Variants in MPDZ observed in about 807,000 individuals in gnomAD.
MPDZ encodes multiple PDZ domain protein.
MPDZ carries 234 observed loss-of-function variants against 239.1 expected under a neutral mutation model. That is an observed-to-expected ratio of 0.98 (90% CI 0.88 to 1.09). The LOEUF is 1.09. MPDZ is among the 50% of genes least tolerant of loss of function. The pLI, the probability that MPDZ is intolerant of heterozygous loss-of-function variation, is 0.00. For missense variants in MPDZ, 3,175 were observed against 2,510.0 expected (o/e 1.26, Z -5.66); for synonymous variants, 1,048 against 881.3 (o/e 1.19, Z -3.35).
chr9:13,241,371 G>C (rs1965366024), intron 3 of MPDZ, among the ~76,000 whole-genome samples: 1 of 152,120 alleles, frequency 6.6e-6, no homozygotes, highest in Non-Finnish European at 1.5e-5. Context: ...CAGCTGGGAA[G>C]AGTTCCACTC....
At chr9:13,158,891 T>C (rs976655985) in intron 23 of MPDZ, among the ~76,000 whole-genome samples, 2 of 152,124 alleles carry the variant, frequency 1.3e-5, no homozygotes, top group Admixed American at 6.6e-5. Context: ...GAGAGGACAA[T>C]AGAGAATGGT....
chr9:13,130,757 T>G (rs964408322), intron 32 of MPDZ, among the ~76,000 whole-genome samples: 2 of 152,212 alleles, frequency 1.3e-5, no homozygotes, highest in African/African-American at 4.8e-5. Flanking sequence ...CCAAGTGATA[T>G]AAACCAAGGC....
intron 19 of MPDZ, among the ~76,000 whole-genome samples, chr9:13,182,926 T>C (rs1053992916): frequency 6.6e-6 from 1 of 152,164 alleles, no homozygotes; most frequent in African/African-American, 2.4e-5. Flanking sequence ...TTCACTGTGA[T>C]TTTTTATGTA....
chr9:13,183,064 C>T (rs1005543761), intron 19 of MPDZ, among the ~76,000 whole-genome samples: 2 of 151,972 alleles, frequency 1.3e-5, no homozygotes, highest in African/African-American at 4.8e-5. Flanking sequence ...GTTTTAAAAC[C>T]ATTAAGAAAA....
At chr9:13,167,992 A>G (rs898054290) in intron 22 of MPDZ, among the ~76,000 whole-genome samples, 1 of 152,058 alleles carries the variant, frequency 6.6e-6, no homozygotes, top group Admixed American at 6.6e-5. Flanking sequence ...TAGGATTCAC[A>G]CAGGTCAATT....
intron 23 of MPDZ, among the ~76,000 whole-genome samples, chr9:13,160,550 A>G (rs929210909): frequency 6.6e-6 from 1 of 151,926 alleles, no homozygotes; most frequent in Admixed American, 6.6e-5. Flanking sequence ...ATTTGACACA[A>G]TATTTCAGAG....
intron 8 of MPDZ, 63 bp downstream of exon 8, chr9:13,219,496 A>C: frequency 7.0e-7 from 1 of 1,423,950 alleles, no homozygotes; most frequent in South Asian, 1.3e-5. Context: ...CTAAGTAAAC[A>C]TCACTGTCGT....
chr9:13,168,506 A>G lies in MPDZ; in HGVS notation c.3114T>C (p.His1038=), dbSNP rs751548927. 15 of 1,613,432 alleles carry G rather than the reference A, an allele frequency of 9.3e-6. No homozygotes were observed. Among genetic ancestry groups the G allele is most frequent in the Non-Finnish European group, 1.3e-5 (15 of 1,179,568 alleles). ...GGCCATCTCGACTAATGGCACCTCCATGAATAATGCTTCGAACGATCATCC... is the reference window on the plus strand; with the variant it reads ...GGCCATCTCGACTAATGGCACCTCCGTGAATAATGCTTCGAACGATCATCC... ...GLGMIVRSII[H]GGAISRDGRI... Residue 1038 remains histidine (H), a synonymous_variant, in exon 22 of 47, where the codon CAT becomes CAC. Transcript: ENST00000319217.
chr9:13,112,033 T>G lies in MPDZ; in HGVS notation c.5715A>C (p.Gln1905His). ...TGATAGTACGACTCACTCTGAGTTT[T>G]TGGGTCTGTGCTGCAACTCCAGTTG... ...MHPTGVAAQTQKLRVGDRIVT... is the reference protein window; with the variant it reads ...MHPTGVAAQTHKLRVGDRIVT... The change falls in exon 43 of 47, where the codon CAA becomes CAC. Residue 1905 changes from glutamine (Q) to histidine (H), a missense_variant. Coordinates refer to ENST00000319217, the MANE Select transcript of MPDZ (RefSeq NM_001378778.1). 6.2e-7 allele frequency: 1 copy of G among 1,613,520 alleles called. No homozygotes were observed. Among genetic ancestry groups the G allele is most frequent in the Non-Finnish European group, 8.5e-7 (1 of 1,179,534 alleles).
At position 13,188,922 on chromosome 9, in the gene MPDZ, A is replaced by C; in HGVS notation, c.2226T>G (p.Asp742Glu). The change falls in exon 17 of 47, where the codon GAT (aspartate) becomes GAG (glutamate). Residue 742 changes from aspartate to glutamate, a missense_variant. Transcript: ENST00000319217. ...SLVPGGIAEK[D>E]GRLLPGDRLM... ...GTCGGTCACCAGGAAGAAGTCGTCC[A>C]TCCTTTTCAGCAATGCCGCCAGGCA... 1 of 1,613,528 alleles carries C rather than the reference A, an allele frequency of 6.2e-7. No homozygotes were observed. The highest frequency in any genetic ancestry group is 8.5e-7 in the Non-Finnish European group (1 of 1,179,576).
rs1959906484 is a variant in MPDZ, at chr9:13,224,555, T to C, written c.212A>G (p.Asn71Ser). Residue 71 changes from asparagine (N) to serine (S), a missense_variant, in exon 4 of 47, where the codon AAT (asparagine) becomes AGT (serine). Coordinates refer to ENST00000319217, the MANE Select transcript of MPDZ (RefSeq NM_001378778.1). ...QVNIATSATS[N>S]IEYAHVPHLS... ...ATGAGGAACGTGGGCATATTCAATA[T>C]TTGAAGTTGCTGAAGTTGCAATATT... The C allele has an allele frequency of 1.2e-6, 2 of 1,611,236 alleles. No individual in the cohort carries two copies. The highest frequency in any genetic ancestry group is 1.7e-6 in the Non-Finnish European group (2 of 1,178,464).
chr9:13,220,511 A>AT (rs1488431771), intron 7 of MPDZ, among the ~76,000 whole-genome samples: 3 of 152,018 alleles, frequency 2.0e-5, no homozygotes, highest in African/African-American at 7.2e-5. Context: ...GCAGCTCCAC[A>AT]TTGAAGATAA....
intron 32 of MPDZ, among the ~76,000 whole-genome samples, chr9:13,132,356 G>C (rs1946122559): frequency 6.6e-6 from 1 of 152,190 alleles, no homozygotes; most frequent in Admixed American, 6.5e-5. Flanking sequence ...CAGGATGTGA[G>C]AAGGGCTTCT....
chr9:13,130,109 T>C (rs1464233700), intron 32 of MPDZ, among the ~76,000 whole-genome samples: 1 of 152,198 alleles, frequency 6.6e-6, no homozygotes, highest in Non-Finnish European at 1.5e-5. Flanking sequence ...GTATGGGTCC[T>C]TTCCTAGGGC....
At chr9:13,135,648 C>T (rs1946628316) in intron 31 of MPDZ, 1 of 153,144 alleles carries the variant, frequency 6.5e-6, no homozygotes, top group Admixed American at 6.5e-5. Context: ...AACATTGACC[C>T]TTTCCCCACC....
chr9:13,190,504 C>T (rs975672548), intron 15 of MPDZ, among the ~76,000 whole-genome samples: 1 of 152,022 alleles, frequency 6.6e-6, no homozygotes, highest in Non-Finnish European at 1.5e-5. Context: ...TAAGTTTTAA[C>T]AAACATTAAA....
At chr9:13,217,087 C>T (rs2136135456) in intron 9 of MPDZ, 93 bp downstream of exon 9, 1 of 969,472 alleles carries the variant, frequency 1.0e-6, no homozygotes. Flanking sequence ...TATCCAACAA[C>T]CTGAAACATG....
At chr9:13,274,519 T>TTTTATTTA (rs914839278) in intron 1 of MPDZ, 1 of 152,020 alleles carries the variant, frequency 6.6e-6, no homozygotes, top group East Asian at 1.9e-4. Context: ...GTTTGTCTCC[T>TTTTATTTA]TTTATTTATT....
At position 13,140,343 on chromosome 9, in the gene MPDZ, T is replaced by C. The variant is rs530408777; in HGVS notation, c.3841-194A>G. On this transcript the variant is annotated intron_variant, in intron 27 of 46. Transcript: ENST00000319217. ...ATGGAAAGCTCATATATATATATAA[T>C]ACCTAACAAATAATGGAAGGCTCAG... Among the ~76,000 whole-genome samples, 186 of 147,468 alleles carry C rather than the reference T, an allele frequency of 1.3e-3. 1 individual carries two copies. The highest frequency in any genetic ancestry group is 4.0e-3 in the African/African-American group (163 of 40,570).
Sources: allele counts gnomAD v4.1 joint callset (sites outside exome capture counted in the v4.1 genomes callset), GRCh38; gene constraint gnomAD v4.1.1; transcripts MANE v1.5; gene names NCBI Gene and HGNC (gene_info 2026-07-23, HGNC 2026-07-21).